The following STAG2 variants were observed in gnomAD, a reference collection of about 807,000 sequenced individuals.
The protein encoded by STAG2 is cohesin subunit SA-2.
In STAG2, 14 loss-of-function variants were observed where a neutral mutation model predicts 108.1. The observed-to-expected ratio is 0.13, with a 90% confidence interval of 0.09 to 0.20. The LOEUF is 0.20. Ranked by LOEUF, STAG2 falls within the 10% of genes least tolerant of loss-of-function variation. STAG2 has a pLI of 1.00. For synonymous variants in STAG2, 307 were observed against 302.7 expected, an observed-to-expected ratio of 1.01 and a Z score of -0.15; for missense variants, 440 against 940.9, an observed-to-expected ratio of 0.47 and a Z score of 6.96.
At chrX:124,072,689 TTG>T (rs1383337528) in intron 25 of STAG2, among the ~76,000 whole-genome samples, 9 of 91,287 alleles carry the variant, frequency 9.9e-5, no homozygotes, top group African/African-American at 3.7e-4. Context: ...AGTGTTGTTG[TTG>T]TTGTTTGTTT....
chrX:124,017,125 A>T (rs903695420), intron 1 of STAG2, among the ~76,000 whole-genome samples: 4 of 111,011 alleles, frequency 3.6e-5, no homozygotes, highest in African/African-American at 6.5e-5. Context: ...TTATTAATAT[A>T]TGGATTCTGG....
At chrX:123,996,078 G>A (rs1450183748) in intron 1 of STAG2, among the ~76,000 whole-genome samples, 6 of 112,181 alleles carry the variant, frequency 5.3e-5, no homozygotes, top group African/African-American at 1.3e-4. Flanking sequence ...TGACAGATCC[G>A]TACATACATT....
intron 1 of STAG2, among the ~76,000 whole-genome samples, chrX:123,981,889 A>G (rs923640340): frequency 9.0e-6 from 1 of 111,549 alleles, no homozygotes; most frequent in Non-Finnish European, 1.9e-5. Context: ...TGCCGTGTGT[A>G]TGTTTCATAT....
At position 124,019,351 on chromosome X, in the gene STAG2, G is replaced by A. The variant is rs1182985565; in HGVS notation, c.-162-2016G>A. Among the ~76,000 whole-genome samples, 5 of 110,186 alleles carry A rather than the reference G, an allele frequency of 4.5e-5. No individual in the cohort carries two copies. In the East Asian group the frequency reaches 8.6e-4, roughly 19 times the overall value. Reference sequence around the variant, plus strand: ...ATTACAGGCGTGAGCCACCGCGCCCGGCCAGCATTCTTATATTTAATAATA... The same window carrying A: ...ATTACAGGCGTGAGCCACCGCGCCCAGCCAGCATTCTTATATTTAATAATA... On this transcript the variant is annotated intron_variant, in intron 1 of 34. Transcript: ENST00000371145.
At chrX:123,995,762 A>G (rs1355999839) in intron 1 of STAG2, among the ~76,000 whole-genome samples, 1 of 112,371 alleles carries the variant, frequency 8.9e-6, no homozygotes, top group East Asian at 2.8e-4. Flanking sequence ...GATAATATGA[A>G]TGGCGCTTAA....
intron 5 of STAG2, among the ~76,000 whole-genome samples, chrX:124,034,942 G>T (rs1333273143): frequency 1.8e-5 from 2 of 108,194 alleles, no homozygotes; most frequent in Non-Finnish European, 3.8e-5. Flanking sequence ...TGTCACCCAG[G>T]CTGGAGTGCA....
At chrX:123,982,374 G>A (rs992939991) in intron 1 of STAG2, among the ~76,000 whole-genome samples, 1 of 110,230 alleles carries the variant, frequency 9.1e-6, no homozygotes. Flanking sequence ...TACTTTTTTT[G>A]TTTTTTTGAG....
intron 34 of STAG2, among the ~76,000 whole-genome samples, chrX:124,096,183 T>TCCC (rs200092832): frequency 1.9e-5 from 2 of 106,047 alleles, no homozygotes; most frequent in South Asian, 4.4e-4. Flanking sequence ...TTGATTTTTT[T>TCCC]CCCCCCCATT....
At chrX:124,029,820 A>T (rs1191907314) in intron 4 of STAG2, among the ~76,000 whole-genome samples, 1 of 111,646 alleles carries the variant, frequency 9.0e-6, no homozygotes, top group African/African-American at 3.3e-5. Context: ...AAGTATTTTA[A>T]TTCAACCCTG....
intron 17 of STAG2, 58 bp from the exon 18 acceptor site, chrX:124,062,844 T>TG: frequency 1.1e-6 from 1 of 929,627 alleles, no homozygotes; most frequent in Non-Finnish European, 1.5e-6. Context: ...AACTAAAACT[T>TG]GAACACTTAA....
chrX:124,061,916 C>T, intron 17 of STAG2, 42 bp downstream of exon 17: 1 of 978,793 alleles, frequency 1.0e-6, no homozygotes. Flanking sequence ...AACTCCATTT[C>T]TCCTTTTTCA....
rs16998484 is a variant in STAG2, at chrX:123,990,686, G to C, written c.-163+28830G>C. Among the ~76,000 whole-genome samples, 687 of 111,794 alleles carry C rather than the reference G, an allele frequency of 6.1e-3. 9 individuals carry two copies. Among genetic ancestry groups the C allele is most frequent in the African/African-American group, 0.021 (657 of 30,770 alleles). ...ATGATGGAAACTTACATAAAGTATA[G>C]GAACAGAAAGAGGTAGTGATTATCT... is the stretch of plus-strand genomic sequence containing the variant. On this transcript the variant is annotated intron_variant, in intron 1 of 34. Transcript: ENST00000371145.
chrX:124,009,443 G>GATAGATAGATAGA (rs2056441641), intron 1 of STAG2, among the ~76,000 whole-genome samples: 32 of 63,594 alleles, frequency 5.0e-4, no homozygotes, highest in East Asian at 5.9e-4. Context: ...AGGTAGGTAG[G>GATAGATAGATAGA]TAGATAGATA....
chrX:124,086,478 G>A (rs917821739), intron 29 of STAG2, 69 bp from the exon 30 acceptor site: 7 of 870,759 alleles, frequency 8.0e-6, no homozygotes, highest in Non-Finnish European at 9.9e-6. Flanking sequence ...GCCTATGCTC[G>A]CACAACTATG....
upstream of STAG2, chrX:123,961,519 G>C (rs1049577261): frequency 1.8e-5 from 2 of 110,204 alleles, no homozygotes; most frequent in Admixed American, 1.9e-4. Context: ...GTCGCGGTGA[G>C]GGGAAGGCAG....
At chrX:124,027,344 C>G (rs2057140315) in intron 4 of STAG2, among the ~76,000 whole-genome samples, 1 of 112,336 alleles carries the variant, frequency 8.9e-6, no homozygotes, top group Non-Finnish European at 1.9e-5. Flanking sequence ...TTTGTGTGCT[C>G]TCTTATTTCT....
chrX:124,076,040 A>G (rs772043953), intron 25 of STAG2, among the ~76,000 whole-genome samples: 1 of 111,345 alleles, frequency 9.0e-6, no homozygotes, highest in African/African-American at 3.3e-5. Context: ...GATTTTGTTG[A>G]CAAACTATCC....
At chrX:124,003,689 G>A (rs1424955699) in intron 1 of STAG2, 1 of 111,380 alleles carries the variant, frequency 9.0e-6, no homozygotes, top group Admixed American at 9.6e-5. Flanking sequence ...CTCTCAAAGT[G>A]CTGGGATTAC....
intron 32 of STAG2, chrX:124,093,768 T>C: frequency 3.3e-6 from 1 of 298,585 alleles, no homozygotes; most frequent in South Asian, 7.7e-5. Flanking sequence ...ACCTTGTATA[T>C]GGGATATCAG....
Sources: allele counts gnomAD v4.1 joint callset (sites outside exome capture counted in the v4.1 genomes callset), GRCh38; gene constraint gnomAD v4.1.1; transcripts MANE v1.5; gene names NCBI Gene and HGNC (gene_info 2026-07-23, HGNC 2026-07-21).